Variants in MYO7A observed in about 807,000 individuals in gnomAD.
MYO7A encodes the protein myosin VIIA.
MYO7A carries 210 observed loss-of-function variants against 263.8 expected under a neutral mutation model. That is an observed-to-expected ratio of 0.80 (90% CI 0.71 to 0.89). The LOEUF is 0.89. MYO7A is among the 40% of genes least tolerant of loss of function. The probability of loss-of-function intolerance (pLI) is 0.00; values close to 1 mark genes in which losing one functional copy is unlikely to be tolerated. For missense variants in MYO7A, 2,820 were observed against 2,968.3 expected (o/e 0.95, Z 1.16); for synonymous variants, 1,239 against 1,197.3 (o/e 1.03, Z -0.72).
intron 41 of MYO7A, among the ~76,000 whole-genome samples, chr11:77,206,525 T>G (rs544843363): frequency 6.6e-6 from 1 of 152,320 alleles, no homozygotes; most frequent in African/African-American, 2.4e-5. Flanking sequence ...ACCTCCCTGA[T>G]GTAGGGCCCC....
chr11:77,170,755 C>G (rs565871421), intron 15 of MYO7A, among the ~76,000 whole-genome samples: 1 of 152,082 alleles, frequency 6.6e-6, no homozygotes, highest in African/African-American at 2.4e-5. Flanking sequence ...AGCAAAGAGA[C>G]GAGTTGGGGG....
intron 32 of MYO7A, among the ~76,000 whole-genome samples, 160 bp downstream of exon 32, chr11:77,194,684 C>T (rs541642867): frequency 5.1e-4 from 78 of 152,292 alleles, no homozygotes; most frequent in African/African-American, 1.9e-3. Context: ...ATTCTCCTTC[C>T]ATCTGTGTGC....
Position 77,207,356 on chromosome 11 carries a change from T to C in MYO7A, c.5810T>C (p.Leu1937Pro). The C allele has an allele frequency of 6.2e-7, 1 of 1,612,480 alleles. No individual in the cohort carries two copies. Among genetic ancestry groups the C allele is most frequent in the Non-Finnish European group, 8.5e-7 (1 of 1,179,290 alleles). ...CAGAACATCGCCACCAGGCTGCTCC[T>C]CAAGTCCTCAGAGGGATTCAGCCTC... ...FCQNIATRLL[L>P]KSSEGFSLFV... The change falls in exon 42 of 49, where the codon CTC (leucine) becomes CCC (proline). Residue 1937 changes from leucine (L) to proline (P), a missense_variant. By Grantham distance (98) the Leu-to-Pro change is moderately conservative (BLOSUM62 -3). Coordinates refer to ENST00000409709, the MANE Select transcript of MYO7A (RefSeq NM_000260.4).
At position 77,158,530 on chromosome 11, in the gene MYO7A, A is replaced by T; in HGVS notation, c.1003+100A>T. 4 of 1,386,570 alleles carry T rather than the reference A, an allele frequency of 2.9e-6. No homozygotes were observed. In the South Asian group the frequency reaches 6.0e-5, roughly 21 times the overall value. 85.9% of individuals were successfully genotyped at this position (1,386,570 alleles called of 1,614,324 possible). On this transcript the variant is annotated intron_variant, in intron 9 of 48. Transcript: ENST00000409709. ...TTGGCAGCTCAGTTTCTGTCCTAGCACGTGCCCTCTTTGGGATGGAAGCTG... is the reference window on the plus strand; with the variant it reads ...TTGGCAGCTCAGTTTCTGTCCTAGCTCGTGCCCTCTTTGGGATGGAAGCTG...
chr11:77,183,707 A>C (rs993379933), intron 26 of MYO7A, among the ~76,000 whole-genome samples: 1 of 151,612 alleles, frequency 6.6e-6, no homozygotes, highest in Admixed American at 6.6e-5. Context: ...CCAGGCCCCC[A>C]TCCCCACATT....
At position 77,162,147 on chromosome 11, in the gene MYO7A, C is replaced by T. The variant is rs1555069296; in HGVS notation, c.1371C>T (p.Ala457=). ...TTGAGCAGCTCTGCATCAACTTCGC[C>T]AATGAGCACCTGCAGCAGTTCTTTG... ...NSFEQLCINF[A]NEHLQQFFVR... Residue 457 remains alanine, a synonymous_variant, in exon 13 of 49, where the codon GCC becomes GCT. Transcript: ENST00000409709. 1.2e-6 allele frequency: 2 copies of T among 1,603,196 alleles called. No individual in the cohort carries two copies. The highest frequency in any genetic ancestry group is 1.3e-5 in the African/African-American group (1 of 74,752).
rs1313704331 is a variant in MYO7A, at chr11:77,205,426, A to C, written c.5481-36A>C. 6 of 1,545,104 alleles carry C rather than the reference A, an allele frequency of 3.9e-6. No individual in the cohort carries two copies. The Middle Eastern group carries it at 6.8e-4, about 175-fold the overall frequency. On this transcript the variant is annotated intron_variant, in intron 39 of 48. Transcript: ENST00000409709. ...CACAGGTCCTGTGACTCCCGATGGC[A>C]GCTGCCCCTGCTGGAGCCCACGCCT...
chr11:77,150,338 A>G (rs1205838940), intron 4 of MYO7A, among the ~76,000 whole-genome samples: 1 of 152,180 alleles, frequency 6.6e-6, no homozygotes, highest in African/African-American at 2.4e-5. Context: ...TCAAGGAACA[A>G]AGGCAAAAAC....
At chr11:77,186,513 G>C (rs1401368634) in intron 27 of MYO7A, among the ~76,000 whole-genome samples, 1 of 152,190 alleles carries the variant, frequency 6.6e-6, no homozygotes, top group Non-Finnish European at 1.5e-5. Context: ...AGCACTTGTT[G>C]CTTCACCTTG....
intron 35 of MYO7A, among the ~76,000 whole-genome samples, chr11:77,200,158 C>T (rs1466099607): frequency 6.6e-6 from 1 of 151,928 alleles, no homozygotes; most frequent in Non-Finnish European, 1.5e-5. Context: ...GTAGTCATAG[C>T]TCTTCAGGAG....
chr11:77,195,541 G>A (rs1045075349), intron 32 of MYO7A, among the ~76,000 whole-genome samples: 4 of 152,232 alleles, frequency 2.6e-5, no homozygotes, highest in Non-Finnish European at 5.9e-5. Context: ...TCCTGGGTGG[G>A]GTGCTATTAT....
intron 37 of MYO7A, among the ~76,000 whole-genome samples, chr11:77,202,778 G>T (rs1326931571): frequency 6.6e-6 from 1 of 151,788 alleles, no homozygotes; most frequent in Non-Finnish European, 1.5e-5. Flanking sequence ...CCTGATGGAG[G>T]CGTTGTGCAC....
intron 2 of MYO7A, among the ~76,000 whole-genome samples, chr11:77,135,724 C>T (rs931406346): frequency 4.3e-4 from 61 of 143,282 alleles, no homozygotes; most frequent in African/African-American, 1.5e-3. Flanking sequence ...CACATCTTTA[C>T]CAATACTTAT....
In MYO7A at chr11:77,175,526, T is replaced by C. The variant is rs529039437; in HGVS notation, c.2187+62T>C. 2.2e-5 allele frequency: 33 copies of C among 1,494,302 alleles called. No individual in the cohort carries two copies. The Admixed American group carries it at 5.3e-4, about 24-fold the overall frequency. 92.6% of individuals were successfully genotyped at this position (1,494,302 alleles called of 1,614,324 possible). ...GGCTGTAAATTCCCATGATGTGGGC[T>C]GGGGTGCTCGGGAGAGGGAGGCAGT... is the stretch of plus-strand genomic sequence containing the variant. On this transcript the variant is annotated intron_variant, in intron 18 of 48. Coordinates refer to ENST00000409709, the MANE Select transcript of MYO7A (RefSeq NM_000260.4).
intron 27 of MYO7A, chr11:77,185,025 A>G (rs1955559842): frequency 7.6e-6 from 4 of 528,508 alleles, no homozygotes; most frequent in Middle Eastern, 5.1e-4. Context: ...TATAAAAGTC[A>G]TATTTATACT....
rs557663211 is a variant in MYO7A, at chr11:77,129,029, G to A, written c.-47+540G>A. Among the ~76,000 whole-genome samples, 19 of 152,330 alleles carry A rather than the reference G, an allele frequency of 1.2e-4. No individual in the cohort carries two copies. The East Asian group carries it at 3.5e-3, about 28-fold the overall frequency. ...CAGTTGGAAAAGAAATTAACTTGAAGGTGGTCTAGTTCTCATTTTTAGAAA... is the reference window on the plus strand; with the variant it reads ...CAGTTGGAAAAGAAATTAACTTGAAAGTGGTCTAGTTCTCATTTTTAGAAA... On this transcript the variant is annotated intron_variant, in intron 1 of 48. Coordinates refer to ENST00000409709, the MANE Select transcript of MYO7A (RefSeq NM_000260.4).
At chr11:77,183,359 G>A (rs1555086228) in intron 26 of MYO7A, among the ~76,000 whole-genome samples, 1 of 152,180 alleles carries the variant, frequency 6.6e-6, no homozygotes, top group African/African-American at 2.4e-5. Flanking sequence ...TGAAGAGGGT[G>A]GGATCTCAGG....
At chr11:77,142,561 G>A (rs1951280619) in intron 2 of MYO7A, 148 bp from the exon 3 acceptor site, 1 of 723,960 alleles carries the variant, frequency 1.4e-6, no homozygotes, top group East Asian at 2.7e-5. Flanking sequence ...TGCTCCAGAA[G>A]GTTGCTAGTA....
chr11:77,158,764 C>T (rs1022170016), intron 9 of MYO7A, among the ~76,000 whole-genome samples: 1 of 152,176 alleles, frequency 6.6e-6, no homozygotes, highest in Non-Finnish European at 1.5e-5. Flanking sequence ...TGAACTAATT[C>T]ACTCTAAGGT....
Sources: allele counts gnomAD v4.1 joint callset (sites outside exome capture counted in the v4.1 genomes callset), GRCh38; gene constraint gnomAD v4.1.1; transcripts MANE v1.5; gene names NCBI Gene and HGNC (gene_info 2026-07-23, HGNC 2026-07-21).